ZNF709: variants seen among roughly 807,000 people sequenced by gnomAD.
The protein encoded by ZNF709 is zinc finger protein 709.
ZNF709 carries 15 observed loss-of-function variants against 10.6 expected under a neutral mutation model. That is an observed-to-expected ratio of 1.41 (90% CI 0.95 to 2.18). ZNF709 has a LOEUF of 2.18. ZNF709 is among the 30% of genes most tolerant of loss of function. ZNF709 has a pLI of 0.00. For synonymous variants in ZNF709, 194 were observed against 238.8 expected (o/e 0.81, Z 1.73); for missense variants, 589 against 774.0 (o/e 0.76, Z 2.84).
intron 1 of ZNF709, among the ~76,000 whole-genome samples, chr19:12,478,935 C>A (rs562009898): frequency 6.6e-6 from 1 of 152,244 alleles, no homozygotes; most frequent in South Asian, 2.1e-4. Context: ...CATTACAGAA[C>A]CAACATGAGT....
chr19:12,476,320 A>G (rs1970677924), intron 1 of ZNF709, among the ~76,000 whole-genome samples: 1 of 151,242 alleles, frequency 6.6e-6, no homozygotes, highest in Non-Finnish European at 1.5e-5. Flanking sequence ...TGAGCCCAGG[A>G]GGTTGAGGCT....
chr19:12,484,552 G>T, intron 1 of ZNF709, 103 bp downstream of exon 1: 1 of 1,519,196 alleles, frequency 6.6e-7, no homozygotes, highest in Non-Finnish European at 9.0e-7. Context: ...CCACAGACCC[G>T]GGAGACAACG....
rs1159677641 is a variant in ZNF709, at chr19:12,464,381, C to A, written c.1541G>T (p.Ser514Ile). The A allele has an allele frequency of 6.2e-6, 10 of 1,613,162 alleles. No homozygotes were observed. In the South Asian group the frequency reaches 8.8e-5, roughly 14 times the overall value. ...ATGCATTCGAAAGGAACTGGAACAA[C>A]TGAAGGCTTTACCACATTGTTTACA... ...YECKQCGKAF[S>I]CSSSFRMHER... The change falls in exon 4 of 4, where the codon AGT becomes ATT. Residue 514 changes from serine (S) to isoleucine (I), a missense_variant. Around this residue, in one of 2 missense-constraint regions of ZNF709, gnomAD observed 171 missense variants for 277.7 expected, o/e 0.62. Transcript: ENST00000397732.
intron 1 of ZNF709, among the ~76,000 whole-genome samples, chr19:12,482,782 A>G (rs1223921829): frequency 6.6e-6 from 1 of 152,154 alleles, no homozygotes; most frequent in Admixed American, 6.5e-5. Context: ...CACAGTAGGT[A>G]TGAGCAGGTA....
intron 1 of ZNF709, among the ~76,000 whole-genome samples, chr19:12,470,746 T>C (rs974543036): frequency 3.3e-5 from 5 of 151,852 alleles, no homozygotes; most frequent in Admixed American, 3.3e-4. Context: ...GCTAACACAG[T>C]GAAACCCCGT....
chr19:12,464,927 C>T lies in ZNF709; in HGVS notation c.995G>A (p.Gly332Glu). ...TTCCTTACAATCATAGGGTTTCTCT[C>T]CTGTATGAATTCTTTCATGTTTTCT... ...SFRKHERIHT[G>E]EKPYDCKECG... The change falls in exon 4 of 4, where the codon GGA (glycine) becomes GAA (glutamate). Residue 332 changes from glycine (G) to glutamate (E), a missense_variant. Around this residue, in one of 2 missense-constraint regions of ZNF709, gnomAD observed 418 missense variants for 496.3 expected, o/e 0.84. Transcript: ENST00000397732. The T allele has an allele frequency of 1.2e-6, 2 of 1,608,148 alleles. No homozygotes were observed. The highest frequency in any genetic ancestry group is 2.2e-5 in the East Asian group (1 of 44,846).
At position 12,465,162 on chromosome 19, in the gene ZNF709, A is replaced by C. The variant is rs764537968; in HGVS notation, c.760T>G (p.Cys254Gly). Residue 254 changes from cysteine (C) to glycine (G), a missense_variant, in exon 4 of 4, where the codon TGT (cysteine) becomes GGT (glycine). Coordinates refer to ENST00000397732, the MANE Select transcript of ZNF709 (RefSeq NM_152601.4). ...CTGAAAGCTTTTCCACATTGTTTAC[A>C]TTCATAGGGTTTCTCTCCAGAGTGA... Reference protein sequence around the residue: ...RTHSGEKPYECKQCGKAFRYY... With the variant: ...RTHSGEKPYEGKQCGKAFRYY... 1 of 1,613,274 alleles carries C rather than the reference A, an allele frequency of 6.2e-7. No homozygotes were observed. Among genetic ancestry groups the C allele is most frequent in the Non-Finnish European group, 8.5e-7 (1 of 1,179,772 alleles).
intron 2 of ZNF709, 100 bp from the exon 3 acceptor site, chr19:12,466,619 T>G (rs549574202): frequency 4.4e-6 from 7 of 1,603,436 alleles, no homozygotes; most frequent in Non-Finnish European, 4.3e-6. Context: ...TCTGATTTAT[T>G]TACCAAAGTA....
In ZNF709 at chr19:12,462,476, A is replaced by G. The variant is rs186091530; in HGVS notation, c.*1520T>C. The G allele has an allele frequency of 1.3e-5, 2 of 152,380 alleles. No individual in the cohort carries two copies. The highest frequency in any genetic ancestry group is 2.4e-5 in the African/African-American group (1 of 41,586). The allele number at this position is 152,380 out of a possible 1,614,324, so 9.4% of individuals were successfully genotyped here. On this transcript the variant is annotated 3_prime_UTR_variant, in exon 4 of 4. Coordinates refer to ENST00000397732, the MANE Select transcript of ZNF709 (RefSeq NM_152601.4). ...GATCTCTCTTATTAATACAAAGTCT[A>G]TTATTCAAATCACAGCCAGAAGGAA...
At chr19:12,479,298 A>T (rs1190467728) in intron 1 of ZNF709, among the ~76,000 whole-genome samples, 1 of 152,052 alleles carries the variant, frequency 6.6e-6, no homozygotes, top group Non-Finnish European at 1.5e-5. Flanking sequence ...ACAAGACCCC[A>T]TCTCAAAAAA....
chr19:12,479,815 A>G (rs1416960429), intron 1 of ZNF709, among the ~76,000 whole-genome samples: 2 of 152,124 alleles, frequency 1.3e-5, no homozygotes, highest in Admixed American at 1.3e-4. Context: ...GACTGCAGTG[A>G]GCTGAGATTG....
intron 1 of ZNF709, among the ~76,000 whole-genome samples, chr19:12,468,667 G>C (rs1164490248): frequency 2.2e-5 from 3 of 139,172 alleles, no homozygotes; most frequent in African/African-American, 8.1e-5. Flanking sequence ...CCCCCTCTGC[G>C]AGAAACACCC....
intron 3 of ZNF709, 29 bp downstream of exon 3, chr19:12,466,433 C>T: frequency 6.3e-7 from 1 of 1,596,304 alleles, no homozygotes; most frequent in Non-Finnish European, 8.6e-7. Flanking sequence ...TCTCATAAGA[C>T]AGTATTTTCT....
Position 12,464,195 on chromosome 19 carries a change from C to T in ZNF709, c.1727G>A (p.Arg576Gln), listed in dbSNP as rs779818482. The change falls in exon 4 of 4, where the codon CGA becomes CAA. Residue 576 changes from arginine (R) to glutamine (Q), a missense_variant. By Grantham distance (43) the Arg-to-Gln change is conservative. This residue lies in a region of ZNF709 where 171 missense variants were observed against 277.7 expected (regional missense o/e 0.62). Coordinates refer to ENST00000397732, the MANE Select transcript of ZNF709 (RefSeq NM_152601.4). The stretch of plus-strand genomic sequence containing the variant: ...TCCAGTGTGAGTCCTTTCATGCATT[C>T]GAACAGAACTAGAACAACTGAAGGC... Reference protein sequence around the residue: ...GKAFSCSSSVRMHERTHTGVK... With the variant: ...GKAFSCSSSVQMHERTHTGVK... 8 of 1,579,764 alleles carry T rather than the reference C, an allele frequency of 5.1e-6. No individual in the cohort carries two copies. The highest frequency in any genetic ancestry group is 1.2e-5 in the South Asian group (1 of 84,226).
chr19:12,481,233 TC>T lies in ZNF709; in HGVS notation c.3+3421del, dbSNP rs530720729. 109 of 974,880 alleles carry T rather than the reference TC, an allele frequency of 1.1e-4. No homozygotes were observed. The East Asian group carries it at 0.01, about 90-fold the overall frequency. 60.4% of individuals were successfully genotyped at this position (974,880 alleles called of 1,614,324 possible). ...AATATTCTGTTTGGTTCCAGAGTTT[TC>T]TTTTTTTTTGTTTTGAGATGGAGTC... On this transcript the variant is annotated intron_variant, in intron 1 of 3. Coordinates refer to ENST00000397732, the MANE Select transcript of ZNF709 (RefSeq NM_152601.4).
intron 1 of ZNF709, among the ~76,000 whole-genome samples, chr19:12,467,241 G>A (rs967875384): frequency 6.6e-6 from 1 of 152,184 alleles, no homozygotes; most frequent in Non-Finnish European, 1.5e-5. Flanking sequence ...CTCCCTGCCT[G>A]ATTCTCCTGC....
rs1403189250 is a variant in ZNF709 at position 12,466,496 on chromosome 19, T to C, written c.154A>G (p.Ile52Val). 1 of 1,614,020 alleles carries C rather than the reference T, an allele frequency of 6.2e-7. No individual in the cohort carries two copies. The highest frequency in any genetic ancestry group is 8.5e-7 in the Non-Finnish European group (1 of 1,180,030). The change falls in exon 3 of 4, where the codon ATT becomes GTT. Residue 52 changes from isoleucine to valine, a missense_variant. By Grantham distance (29) the Ile-to-Val change is conservative. This residue lies in a region of ZNF709 where 418 missense variants were observed against 496.3 expected (regional missense o/e 0.84). Transcript: ENST00000397732. ...SIGENWEEKN[I>V]EDHKNQGRKL... ...CTCCCCTGATTTTTGTGATCTTCAA[T>C]GTTCTTCTCCTCCCAGTTTTCCCCT...
Position 12,484,706 on chromosome 19 carries a change from C to T in ZNF709, c.-49G>A. The T allele has an allele frequency of 6.2e-7, 1 of 1,613,940 alleles. No individual in the cohort carries two copies. The highest frequency in any genetic ancestry group is 8.5e-7 in the Non-Finnish European group (1 of 1,179,852). ...GTGTTCTGTTTACCTCTCCCGCGGC[C>T]AGCACAGGTCCTACCTCCACCTGAG... On this transcript the variant is annotated 5_prime_UTR_variant, in exon 1 of 4. Transcript: ENST00000397732.
At position 12,484,702 on chromosome 19, in the gene ZNF709, C is replaced by T. The variant is rs1230015775; in HGVS notation, c.-45G>A. On this transcript the variant is annotated 5_prime_UTR_variant, in exon 1 of 4. Transcript: ENST00000397732. ...CCTGGTGTTCTGTTTACCTCTCCCG[C>T]GGCCAGCACAGGTCCTACCTCCACC... 2 of 1,613,844 alleles carry T rather than the reference C, an allele frequency of 1.2e-6. No individual in the cohort carries two copies. The highest frequency in any genetic ancestry group is 1.3e-5 in the African/African-American group (1 of 74,934).
Sources: allele counts gnomAD v4.1 joint callset (sites outside exome capture counted in the v4.1 genomes callset), GRCh38; gene constraint gnomAD v4.1.1; regional missense constraint gnomAD v4.1.1; transcripts MANE v1.5; gene names NCBI Gene and HGNC (gene_info 2026-07-23, HGNC 2026-07-21).